TTLL1: variants seen among roughly 807,000 people sequenced by gnomAD.
TTLL1 encodes the protein TTL family tubulin polyglutamylase complex subunit L1, also known as polyglutamylase complex subunit TTLL1.
In TTLL1, 33 loss-of-function variants were observed where a neutral mutation model predicts 47.8. The observed-to-expected ratio is 0.69, with a 90% CI of 0.52 to 0.92. The LOEUF is 0.92. Ranked by LOEUF, TTLL1 falls within the 40% of genes least tolerant of loss-of-function variation. The probability of loss-of-function intolerance (pLI) is 0.00; values close to 1 mark genes in which losing one functional copy is unlikely to be tolerated. For synonymous variants in TTLL1, 225 were observed against 214.1 expected, an observed-to-expected ratio of 1.05 and a Z score of -0.45; for missense variants, 488 against 547.5, an observed-to-expected ratio of 0.89 and a Z score of 1.08.
intron 3 of TTLL1, among the ~76,000 whole-genome samples, chr22:43,070,973 C>T (rs1437183686): frequency 6.6e-6 from 1 of 152,176 alleles, no homozygotes; most frequent in Non-Finnish European, 1.5e-5. Flanking sequence ...GGTGTCATGA[C>T]TTGATCTCGC....
chr22:43,083,684 C>T (rs1256208017), intron 1 of TTLL1, among the ~76,000 whole-genome samples: 1 of 151,848 alleles, frequency 6.6e-6, no homozygotes, highest in African/African-American at 2.4e-5. Context: ...GCCAAGATCG[C>T]ACCATTGCAC....
chr22:43,081,787 T>A (rs748382063), intron 1 of TTLL1, among the ~76,000 whole-genome samples: 1 of 150,208 alleles, frequency 6.7e-6, no homozygotes, highest in South Asian at 2.1e-4. Flanking sequence ...GACCTCATGA[T>A]CCACCCGCTT....
chr22:43,067,581 T>C (rs917572309), intron 5 of TTLL1, among the ~76,000 whole-genome samples: 1 of 152,136 alleles, frequency 6.6e-6, no homozygotes, highest in Non-Finnish European at 1.5e-5. Flanking sequence ...CTGGGACTAA[T>C]CACACGAAGA....
Position 43,051,949 on chromosome 22 carries a change from G to A in TTLL1, c.892-62C>T, listed in dbSNP as rs905828656. The A allele has an allele frequency of 1.2e-5, 18 of 1,502,938 alleles. No homozygotes were observed. In the East Asian group the frequency reaches 2.5e-4, roughly 21 times the overall value. The allele number at this position is 1,502,938 out of a possible 1,614,324, so 93.1% of individuals were successfully genotyped here. ...ATCGAAGGGCGCAGCCGAGACCAAC[G>A]CCACAGAGACAAGCAGGATCGTCCC... On this transcript the variant is annotated intron_variant, in intron 8 of 10. Transcript: ENST00000266254.
chr22:43,044,388 C>T (rs761989759), intron 10 of TTLL1, among the ~76,000 whole-genome samples: 1 of 151,320 alleles, frequency 6.6e-6, no homozygotes, highest in African/African-American at 2.5e-5. Context: ...GTAACACGCA[C>T]ATCCACACCA....
chr22:43,085,948 C>T (rs914206261), intron 1 of TTLL1, among the ~76,000 whole-genome samples: 3 of 152,184 alleles, frequency 2.0e-5, no homozygotes, highest in African/African-American at 7.2e-5. Context: ...ATGTCGGGCA[C>T]GCAGCCAGCC....
At chr22:43,068,868 C>T (rs551645038) in intron 4 of TTLL1, among the ~76,000 whole-genome samples, 3 of 152,134 alleles carry the variant, frequency 2.0e-5, no homozygotes, top group South Asian at 2.1e-4. Context: ...ATTTAGCAGA[C>T]GAGGAAACTG....
chr22:43,080,733 GC>G (rs1569448688), intron 1 of TTLL1, among the ~76,000 whole-genome samples: 1 of 120,196 alleles, frequency 8.3e-6, no homozygotes, highest in Non-Finnish European at 2.0e-5. Context: ...GCCATTCTCA[GC>G]CTTAGCTGGA....
chr22:43,079,051 G>A (rs12166257), intron 2 of TTLL1, among the ~76,000 whole-genome samples: 6 of 89,188 alleles, frequency 6.7e-5, no homozygotes, highest in Admixed American at 1.2e-4. Flanking sequence ...CCTCACACCC[G>A]CAGACAAGGG....
In TTLL1 at chr22:43,069,835, C is replaced by T; in HGVS notation, c.123G>A (p.Val41=). The part of the protein sequence containing the change: ...NEDWNFYWMS[V]QTIRNVFSVE... Reference sequence around the variant, plus strand: ...CGCTGAACACATTTCGGATGGTTTGCACACTCATCCTGAAAGAGATGAGCA... The same window carrying T: ...CGCTGAACACATTTCGGATGGTTTGTACACTCATCCTGAAAGAGATGAGCA... Residue 41 remains valine (V), a synonymous_variant, in exon 4 of 11, where the codon GTG becomes GTA. Coordinates refer to ENST00000266254, the MANE Select transcript of TTLL1 (RefSeq NM_012263.5). 1.9e-6 allele frequency: 3 copies of T among 1,614,102 alleles called. No individual in the cohort carries two copies. Among genetic ancestry groups the T allele is most frequent in the Non-Finnish European group, 2.5e-6 (3 of 1,180,022 alleles).
At chr22:43,049,811 TG>T (rs1926462073) in intron 9 of TTLL1, among the ~76,000 whole-genome samples, 1 of 147,586 alleles carries the variant, frequency 6.8e-6, no homozygotes, top group Admixed American at 6.7e-5. Flanking sequence ...AAAGAATTGT[TG>T]GCTGGGCACG....
intron 8 of TTLL1, among the ~76,000 whole-genome samples, chr22:43,055,141 A>G (rs1926916994): frequency 6.6e-6 from 1 of 151,472 alleles, no homozygotes; most frequent in South Asian, 2.1e-4. Context: ...CTCCTGCGTC[A>G]GCCTCCCGAG....
At chr22:43,075,409 C>T (rs1431847716) in intron 3 of TTLL1, 65 bp downstream of exon 3, 3 of 1,369,574 alleles carry the variant, frequency 2.2e-6, no homozygotes, top group East Asian at 2.3e-5. Context: ...CTGGGAGGCA[C>T]TGGAATTAGT....
chr22:43,081,359 A>G (rs1401418923), intron 1 of TTLL1, among the ~76,000 whole-genome samples: 1 of 151,990 alleles, frequency 6.6e-6, no homozygotes, highest in Non-Finnish European at 1.5e-5. Context: ...GGAGTGGGTA[A>G]ACCCTCCAGG....
chr22:43,071,163 C>T (rs752969955), intron 3 of TTLL1, among the ~76,000 whole-genome samples: 3 of 151,730 alleles, frequency 2.0e-5, no homozygotes, highest in East Asian at 1.9e-4. Flanking sequence ...CTGATCCTGC[C>T]GCCTCAGCCT....
intron 3 of TTLL1, 83 bp from the exon 4 acceptor site, chr22:43,069,927 G>C: frequency 6.5e-7 from 1 of 1,542,894 alleles, no homozygotes; most frequent in Non-Finnish European, 8.7e-7. Flanking sequence ...CAAACACCCT[G>C]AACCCTCAGC....
intron 9 of TTLL1, among the ~76,000 whole-genome samples, chr22:43,051,383 G>A (rs1926608838): frequency 6.6e-6 from 1 of 152,236 alleles, no homozygotes; most frequent in Admixed American, 6.5e-5. Context: ...CCAAAGAAGA[G>A]CAGGGGCGTT....
intron 1 of TTLL1, among the ~76,000 whole-genome samples, chr22:43,082,741 C>T (rs567769345): frequency 3.7e-5 from 5 of 135,212 alleles, no homozygotes; most frequent in Admixed American, 7.5e-5. Context: ...AGGCTGCGCG[C>T]GGTGGCTCAT....
chr22:43,059,418 T>G lies in TTLL1; in HGVS notation c.857A>C (p.His286Pro), dbSNP rs745366919. The change falls in exon 8 of 11, where the codon CAC becomes CCC. Residue 286 changes from histidine (H) to proline (P), a missense_variant. Physicochemically the swap from His to Pro is moderately conservative, Grantham distance 77. Coordinates refer to ENST00000266254, the MANE Select transcript of TTLL1 (RefSeq NM_012263.5). Reference sequence around the variant, plus strand: ...CTTCAGGGACTGCACGATGATCCAGTGGATCTCGTCGAACAGCTTGCTGGT... The same window carrying G: ...CTTCAGGGACTGCACGATGATCCAGGGGATCTCGTCGAACAGCTTGCTGGT... ...EVTSKLFDEI[H>P]WIIVQSLKAV... 1 of 1,613,970 alleles carries G rather than the reference T, an allele frequency of 6.2e-7. No homozygotes were observed. Among genetic ancestry groups the G allele is most frequent in the Non-Finnish European group, 8.5e-7 (1 of 1,179,920 alleles).
Sources: allele counts gnomAD v4.1 joint callset (sites outside exome capture counted in the v4.1 genomes callset), GRCh38; gene constraint gnomAD v4.1.1; transcripts MANE v1.5; gene names NCBI Gene and HGNC (gene_info 2026-07-23, HGNC 2026-07-21).